The following GDI2 variants were observed in gnomAD, a reference collection of about 807,000 sequenced individuals.
The protein encoded by GDI2 is GDP dissociation inhibitor 2.
Under a neutral mutation model 54.2 loss-of-function variants are expected in GDI2, and 22 were observed. That is an observed-to-expected ratio of 0.41 (90% CI 0.29 to 0.58). The LOEUF (loss-of-function observed/expected upper bound fraction) is 0.58. Ranked by LOEUF, GDI2 falls within the 20% of genes least tolerant of loss-of-function variation. The pLI is 0.35. For synonymous variants in GDI2, 177 were observed against 182.1 expected, an observed-to-expected ratio of 0.97 and a Z score of 0.23; for missense variants, 422 against 546.0, an observed-to-expected ratio of 0.77 and a Z score of 2.26.
intron 1 of GDI2, among the ~76,000 whole-genome samples, chr10:5,809,483 C>T (rs1841445504): frequency 6.6e-6 from 1 of 152,168 alleles, no homozygotes; most frequent in African/African-American, 2.4e-5. Flanking sequence ...AAAATCATTC[C>T]TCCATTCAAA....
At chr10:5,793,897 C>G (rs1464110275) in intron 4 of GDI2, among the ~76,000 whole-genome samples, 1 of 151,950 alleles carries the variant, frequency 6.6e-6, no homozygotes, top group African/African-American at 2.4e-5. Context: ...GGCGCGGTGG[C>G]TCATGCCTGT....
rs1841518513 is a variant in GDI2 at position 5,813,408 on chromosome 10, G to A, written c.-150C>T. Reference sequence around the variant, plus strand: ...AGCTGGCGACAAGGCGAGACCGACCGCCACCTCAGACGGGAAGAGAAGAAC... The same window carrying A: ...AGCTGGCGACAAGGCGAGACCGACCACCACCTCAGACGGGAAGAGAAGAAC... On this transcript the variant is annotated 5_prime_UTR_variant, in exon 1 of 11. Transcript: ENST00000380191. The A allele has an allele frequency of 1.3e-5, 5 of 377,426 alleles. No homozygotes were observed. Among genetic ancestry groups the A allele is most frequent in the East Asian group, 8.5e-5 (1 of 11,712 alleles). 23.4% of individuals were successfully genotyped at this position (377,426 alleles called of 1,614,324 possible). A position where few individuals can be genotyped will look rare whatever the true frequency, so the allele number is the denominator to read the frequency against.
At chr10:5,780,194 G>A (rs1465594960) in intron 6 of GDI2, among the ~76,000 whole-genome samples, 1 of 145,490 alleles carries the variant, frequency 6.9e-6, no homozygotes, top group African/African-American at 2.5e-5. Flanking sequence ...GGGTGACAGA[G>A]TAAGATCGTG....
At position 5,813,388 on chromosome 10, in the gene GDI2, G is replaced by A. The variant is rs1841517517; in HGVS notation, c.-130C>T. The A allele has an allele frequency of 1.6e-6, 1 of 621,772 alleles. No individual in the cohort carries two copies. Among genetic ancestry groups the A allele is most frequent in the Non-Finnish European group, 2.7e-6 (1 of 363,898 alleles). 38.5% of individuals were successfully genotyped at this position (621,772 alleles called of 1,614,324 possible). ...AGAGAAAGAGAGGAAAATGGAGCTG[G>A]CGACAAGGCGAGACCGACCGCCACC... On this transcript the variant is annotated 5_prime_UTR_variant, in exon 1 of 11. Transcript: ENST00000380191.
intron 1 of GDI2, among the ~76,000 whole-genome samples, chr10:5,803,286 G>A (rs1841308813): frequency 6.6e-6 from 1 of 152,162 alleles, no homozygotes; most frequent in Non-Finnish European, 1.5e-5. Flanking sequence ...GCTGGGTGTG[G>A]TGGTGAGCAC....
intron 4 of GDI2, among the ~76,000 whole-genome samples, chr10:5,791,237 T>C (rs1220357633): frequency 2.6e-5 from 4 of 151,928 alleles, no homozygotes; most frequent in Non-Finnish European, 4.4e-5. Flanking sequence ...CAAGGCTACA[T>C]TGAGCCGTGA....
intron 6 of GDI2, among the ~76,000 whole-genome samples, chr10:5,780,405 G>A (rs1004056054): frequency 6.6e-6 from 1 of 151,854 alleles, no homozygotes; most frequent in African/African-American, 2.4e-5. Context: ...GACATTATCA[G>A]GAAGTCCTAA....
chr10:5,812,634 G>C lies in GDI2; in HGVS notation c.45+580C>G, dbSNP rs147943707. 3.8e-3 allele frequency among the ~76,000 whole-genome samples: 574 copies of C among 152,298 alleles called. 8 individuals carry two copies. The highest frequency in any genetic ancestry group is 0.013 in the African/African-American group (554 of 41,564). ...GATTCAATAATACTTCTCATTAGCA[G>C]GGGGGAGAAAGGATTAAAAGACTAA... On this transcript the variant is annotated intron_variant, in intron 1 of 10. Transcript: ENST00000380191.
intron 8 of GDI2, among the ~76,000 whole-genome samples, chr10:5,767,438 C>T (rs892481720): frequency 2.0e-5 from 3 of 152,130 alleles, no homozygotes; most frequent in Non-Finnish European, 4.4e-5. Context: ...CGCAGCCTCC[C>T]AAGTAGCTAG....
intron 3 of GDI2, among the ~76,000 whole-genome samples, chr10:5,795,541 GT>G (rs898809449): frequency 6.6e-6 from 1 of 151,996 alleles, no homozygotes; most frequent in Non-Finnish European, 1.5e-5. Context: ...GAATACATAG[GT>G]TTTTTTAATG....
At position 5,776,966 on chromosome 10, in the gene GDI2, T is replaced by C. The variant is rs1840635871; in HGVS notation, c.720-3025A>G. On this transcript the variant is annotated intron_variant, in intron 6 of 10. Transcript: ENST00000380191. The surrounding 1 kb of genome is among the most constrained non-coding windows in gnomAD (Gnocchi z 5.3). ...CCACATAGAAGGGTAATCCCGGAAA[T>C]GCTTCATCTGGCAGACTGTGGGAGA... 3 of 524,892 alleles carry C rather than the reference T, an allele frequency of 5.7e-6. No homozygotes were observed. The highest frequency in any genetic ancestry group is 6.3e-5 in the South Asian group (2 of 31,954). The allele number at this position is 524,892 out of a possible 1,614,324, so 32.5% of individuals were successfully genotyped here.
chr10:5,793,575 G>T (rs1156457264), intron 4 of GDI2, among the ~76,000 whole-genome samples: 1 of 152,036 alleles, frequency 6.6e-6, no homozygotes, highest in Non-Finnish European at 1.5e-5. Context: ...AGAGGAAACT[G>T]CCAAAATAAT....
chr10:5,786,130 C>T (rs1840870100), intron 4 of GDI2, 80 bp from the exon 5 acceptor site: 2 of 824,156 alleles, frequency 2.4e-6, no homozygotes, highest in Non-Finnish European at 4.0e-6. Context: ...AAAGTTTAAA[C>T]ATGCCTTGTT....
chr10:5,779,987 C>T (rs1344248225), intron 6 of GDI2, among the ~76,000 whole-genome samples: 1 of 152,004 alleles, frequency 6.6e-6, no homozygotes, highest in Non-Finnish European at 1.5e-5. Flanking sequence ...AGCCACCATG[C>T]TCACTTAAGC....
intron 6 of GDI2, among the ~76,000 whole-genome samples, chr10:5,781,156 A>T (rs747571292): frequency 3.3e-5 from 5 of 150,666 alleles, no homozygotes; most frequent in African/African-American, 7.3e-5. Flanking sequence ...CAGCTAAAAC[A>T]ACTAAATATT....
At chr10:5,800,944 AT>A (rs571968017) in intron 1 of GDI2, among the ~76,000 whole-genome samples, 53 of 147,670 alleles carry the variant, frequency 3.6e-4, no homozygotes, top group South Asian at 8.6e-4. Flanking sequence ...TCACCTTTTA[AT>A]TTTTTTTTTT....
In GDI2 at chr10:5,766,713, A is replaced by G. The variant is rs1840343643; in HGVS notation, c.992-75T>C. 1.7e-6 allele frequency: 2 copies of G among 1,194,214 alleles called. No homozygotes were observed. Among genetic ancestry groups the G allele is most frequent in the Non-Finnish European group, 2.5e-6 (2 of 807,186 alleles). The allele number at this position is 1,194,214 out of a possible 1,614,324, so 74.0% of individuals were successfully genotyped here. A position where few individuals can be genotyped will look rare whatever the true frequency, so the allele number is the denominator to read the frequency against. On this transcript the variant is annotated intron_variant, in intron 8 of 10. Coordinates refer to ENST00000380191, the MANE Select transcript of GDI2 (RefSeq NM_001494.4). This position sits in a 1 kb window ranked among gnomAD's most constrained non-coding sequence, Gnocchi z 5.8. ...CCCAACATACTCAGGTATCACCCAT[A>G]TGTCATGAGGTGTGAGTTAAAATTA...
Position 5,774,052 on chromosome 10 carries a change from T to C in GDI2, c.720-111A>G. 1.8e-6 allele frequency: 1 copy of C among 562,086 alleles called. No homozygotes were observed. Among genetic ancestry groups the C allele is most frequent in the Non-Finnish European group, 3.1e-6 (1 of 323,502 alleles). 34.8% of individuals were successfully genotyped at this position (562,086 alleles called of 1,614,324 possible). The stretch of plus-strand genomic sequence containing the variant: ...ACAATATACATTTGTTCAATTTCCT[T>C]CTAGAAAGATGTCAGCTTAGAAGTG... On this transcript the variant is annotated intron_variant, in intron 6 of 10. Transcript: ENST00000380191. This position sits in a 1 kb window ranked among gnomAD's most constrained non-coding sequence, Gnocchi z 4.8.
At chr10:5,792,407 C>T (rs568484189) in intron 4 of GDI2, among the ~76,000 whole-genome samples, 2 of 152,140 alleles carry the variant, frequency 1.3e-5, no homozygotes, top group East Asian at 3.9e-4. Context: ...AAACTGAGTT[C>T]TTATTAAAAT....
Sources: allele counts gnomAD v4.1 joint callset (sites outside exome capture counted in the v4.1 genomes callset), GRCh38; gene constraint gnomAD v4.1.1; non-coding constraint Gnocchi (gnomAD v3.1); transcripts MANE v1.5; gene names NCBI Gene and HGNC (gene_info 2026-07-23, HGNC 2026-07-21).